The following OVOL2 variants were observed in gnomAD, a reference collection of about 807,000 sequenced individuals.
The protein encoded by OVOL2 is ovo like zinc finger 2.
Under a neutral mutation model 18.1 loss-of-function variants are expected in OVOL2, and 13 were observed. The observed-to-expected ratio is 0.72, with a 90% CI of 0.47 to 1.14. The LOEUF (loss-of-function observed/expected upper bound fraction) is 1.14. Among genes scored for constraint, OVOL2 ranks in the 50% most tolerant of loss-of-function variants. OVOL2 has a pLI of 0.00. For synonymous variants in OVOL2, 166 were observed against 162.7 expected, an observed-to-expected ratio of 1.02 and a Z score of -0.16; for missense variants, 335 against 383.0, an observed-to-expected ratio of 0.87 and a Z score of 1.05.
intron 3 of OVOL2, among the ~76,000 whole-genome samples, chr20:18,034,927 C>T (rs1251584522): frequency 1.3e-5 from 2 of 152,046 alleles, no homozygotes; most frequent in Non-Finnish European, 2.9e-5. Flanking sequence ...TCTTTGCCCA[C>T]CTCATCAATA....
At chr20:18,028,135 G>C (rs1038366633) in intron 3 of OVOL2, among the ~76,000 whole-genome samples, 1 of 152,108 alleles carries the variant, frequency 6.6e-6, no homozygotes, top group Non-Finnish European at 1.5e-5. Flanking sequence ...CACTAGGTCA[G>C]GGGCTGGGAC....
chr20:18,052,228 T>C (rs1298468464), intron 2 of OVOL2, among the ~76,000 whole-genome samples: 1 of 152,092 alleles, frequency 6.6e-6, no homozygotes, highest in African/African-American at 2.4e-5. Context: ...TCTTCAACAA[T>C]TAACTTGATG....
chr20:18,056,924 C>A lies in OVOL2; in HGVS notation c.101-47G>T, dbSNP rs1171061574. ...CCCGACACACACACTCGGCGTCAAC[C>A]CGCACGCCCGCGGCAGTTTGACCTG... is the stretch of plus-strand genomic sequence containing the variant. On this transcript the variant is annotated intron_variant, in intron 1 of 3. Coordinates refer to ENST00000278780, the MANE Select transcript of OVOL2 (RefSeq NM_021220.4). The surrounding 1 kb of genome is among the most constrained non-coding windows in gnomAD (Gnocchi z 4.2). 1.4e-6 allele frequency: 2 copies of A among 1,438,338 alleles called. No homozygotes were observed. The highest frequency in any genetic ancestry group is 1.8e-6 in the Non-Finnish European group (2 of 1,104,728). The allele number at this position is 1,438,338 out of a possible 1,614,324, so 89.1% of individuals were successfully genotyped here.
intron 3 of OVOL2, among the ~76,000 whole-genome samples, chr20:18,033,001 C>T (rs1448741017): frequency 1.3e-5 from 2 of 151,984 alleles, no homozygotes; most frequent in Non-Finnish European, 2.9e-5. Flanking sequence ...AACAATGAAG[C>T]GAGGGTTTGT....
At position 18,057,609 on chromosome 20, in the gene OVOL2, C is replaced by T; in HGVS notation, c.26G>A (p.Arg9Lys). Reference sequence around the variant, plus strand: ...GCGGACCGAGACCCCCAGGCTCCTCCTCTTCACCAGGAAGACTTTGGGCAT... The same window carrying T: ...GCGGACCGAGACCCCCAGGCTCCTCTTCTTCACCAGGAAGACTTTGGGCAT... Reference protein sequence around the residue: MPKVFLVKRRSLGVSVRSW... With the variant: MPKVFLVKKRSLGVSVRSW... Residue 9 changes from arginine (R) to lysine (K), a missense_variant, in exon 1 of 4, where the codon AGG (arginine) becomes AAG (lysine). Physicochemically the swap from Arg to Lys is conservative, Grantham distance 26 (BLOSUM62 2). Transcript: ENST00000278780. This position sits in a 1 kb window ranked among gnomAD's most constrained non-coding sequence, Gnocchi z 6.3. The T allele has an allele frequency of 6.3e-7, 1 of 1,593,122 alleles. No individual in the cohort carries two copies. The highest frequency in any genetic ancestry group is 1.7e-4 in the Middle Eastern group (1 of 6,022).
At chr20:18,029,759 C>T (rs1342236288) in intron 3 of OVOL2, among the ~76,000 whole-genome samples, 1 of 152,138 alleles carries the variant, frequency 6.6e-6, no homozygotes, top group East Asian at 1.9e-4. Context: ...AGGAGGATCT[C>T]TTGAGTCCAG....
At chr20:18,027,450 C>A (rs910025367) in intron 3 of OVOL2, among the ~76,000 whole-genome samples, 1 of 151,222 alleles carries the variant, frequency 6.6e-6, no homozygotes, top group Non-Finnish European at 1.5e-5. Context: ...ATTGCTTGAA[C>A]CCAGGAGGCA....
At chr20:18,054,460 T>C (rs2036798483) in intron 2 of OVOL2, among the ~76,000 whole-genome samples, 1 of 152,280 alleles carries the variant, frequency 6.6e-6, no homozygotes, top group Admixed American at 6.5e-5. Flanking sequence ...AACTAATTCT[T>C]GGCTGGATGC....
upstream of OVOL2, among the ~76,000 whole-genome samples, chr20:18,058,538 T>C (rs758970834): frequency 6.6e-5 from 10 of 150,902 alleles, no homozygotes; most frequent in Non-Finnish European, 5.9e-5. Flanking sequence ...TCACAAGACG[T>C]TGCACCCCCC....
chr20:18,043,538 T>C (rs1244617532), intron 2 of OVOL2, among the ~76,000 whole-genome samples: 2 of 152,092 alleles, frequency 1.3e-5, no homozygotes, highest in Non-Finnish European at 2.9e-5. Context: ...GGACTCTCCA[T>C]CCCAACTCAG....
At chr20:18,057,994 T>C, upstream of OVOL2, 1 of 571,734 alleles carries the variant, frequency 1.7e-6, no homozygotes, top group Non-Finnish European at 2.4e-6. This position sits in a 1 kb window ranked among gnomAD's most constrained non-coding sequence, Gnocchi z 6.3. Flanking sequence ...CGGCCGGGGC[T>C]GCCTGTTCCA....
rs111619803 is a variant in OVOL2 at position 18,039,607 on chromosome 20, C to CAAAAAAAAAAAAA, written c.511+1914_511+1926dup. Among the ~76,000 whole-genome samples, 45 of 86,658 alleles carry CAAAAAAAAAAAAA rather than the reference C, an allele frequency of 5.2e-4. 1 individual carries two copies. The highest frequency in any genetic ancestry group is 1.9e-3 in the South Asian group (4 of 2,142). The allele number at this position is 86,658 out of a possible 152,430, so 56.9% of individuals were successfully genotyped here. The stretch of plus-strand genomic sequence containing the variant: ...TGGGTGAGAGAGCAAGACGCTGTCT[C>CAAAAAAAAAAAAA]AAAAAAAAAAAAAAAGAAAGAAAGA... On this transcript the variant is annotated intron_variant, in intron 3 of 3. Transcript: ENST00000278780.
intron 2 of OVOL2, 136 bp from the exon 3 acceptor site, chr20:18,041,859 T>C: frequency 1.4e-6 from 1 of 719,114 alleles, no homozygotes; most frequent in East Asian, 3.0e-5. Context: ...AAGCAGGTTT[T>C]GGCTTTGGGA....
chr20:18,030,569 C>T (rs1366549757), intron 3 of OVOL2, among the ~76,000 whole-genome samples: 1 of 152,200 alleles, frequency 6.6e-6, no homozygotes, highest in Admixed American at 6.5e-5. Context: ...CTCTGAGCAT[C>T]TTCTATGAGC....
At chr20:18,048,886 A>C (rs2036747250) in intron 2 of OVOL2, among the ~76,000 whole-genome samples, 1 of 152,176 alleles carries the variant, frequency 6.6e-6, no homozygotes, top group Non-Finnish European at 1.5e-5. Flanking sequence ...ATTTAATTAT[A>C]AGGTACTGCT....
intron 2 of OVOL2, among the ~76,000 whole-genome samples, chr20:18,043,804 G>T (rs2036699565): frequency 6.6e-6 from 1 of 152,154 alleles, no homozygotes; most frequent in African/African-American, 2.4e-5. Context: ...CTACATCTGG[G>T]TGATAAAAAT....
chr20:18,054,865 A>G (rs976296416), intron 2 of OVOL2, among the ~76,000 whole-genome samples: 3 of 152,162 alleles, frequency 2.0e-5, no homozygotes, highest in African/African-American at 7.2e-5. Flanking sequence ...CTTTATAATT[A>G]TACAACGTGC....
At chr20:18,027,911 G>A (rs1339436432) in intron 3 of OVOL2, among the ~76,000 whole-genome samples, 2 of 152,088 alleles carry the variant, frequency 1.3e-5, no homozygotes, top group Non-Finnish European at 1.5e-5. Flanking sequence ...TCTAACTTAG[G>A]CTCTCAAAGA....
At chr20:18,053,264 C>G (rs921833537) in intron 2 of OVOL2, among the ~76,000 whole-genome samples, 3 of 152,206 alleles carry the variant, frequency 2.0e-5, no homozygotes, top group African/African-American at 7.2e-5. Context: ...TTTACACATG[C>G]ACAGAAAGCT....
Sources: allele counts gnomAD v4.1 joint callset (sites outside exome capture counted in the v4.1 genomes callset), GRCh38; gene constraint gnomAD v4.1.1; non-coding constraint Gnocchi (gnomAD v3.1); transcripts MANE v1.5; gene names NCBI Gene and HGNC (gene_info 2026-07-23, HGNC 2026-07-21).